Variants in DCLK1 observed in about 807,000 individuals in gnomAD.
DCLK1 encodes doublecortin like kinase 1.
In DCLK1, 16 loss-of-function variants were observed where a neutral mutation model predicts 86.2. The observed-to-expected ratio is 0.19, with a 90% CI of 0.13 to 0.28. The LOEUF (loss-of-function observed/expected upper bound fraction) is 0.28. Ranked by LOEUF, DCLK1 falls within the 10% of genes least tolerant of loss-of-function variation. DCLK1 has a pLI of 1.00. For synonymous variants in DCLK1, 369 were observed against 370.5 expected (o/e 1.00, Z 0.05); for missense variants, 590 against 940.2 (o/e 0.63, Z 4.87).
chr13:35,813,729 G>A lies in DCLK1; in HGVS notation c.1555-2761C>T, dbSNP rs531898774. 1.3e-3 allele frequency among the ~76,000 whole-genome samples: 153 copies of A among 117,602 alleles called. 1 individual carries two copies. Among genetic ancestry groups the A allele is most frequent in the Middle Eastern group, 9.8e-3 (2 of 204 alleles). The allele number at this position is 117,602 out of a possible 152,430, so 77.2% of individuals were successfully genotyped here. On this transcript the variant is annotated intron_variant, in intron 11 of 16. Transcript: ENST00000360631. ...AATCACTTGCACAGTGCCCCGCCCC[G>A]CTTTTTTTTTTTTTTTTTTTGCTTT...
chr13:35,946,403 T>C (rs1263811258), intron 4 of DCLK1, among the ~76,000 whole-genome samples: 2 of 152,238 alleles, frequency 1.3e-5, no homozygotes, highest in Admixed American at 6.5e-5. Context: ...TTAACACACA[T>C]CTGCAGTGTT....
rs2086383126 is a variant in DCLK1 at position 35,774,313 on chromosome 13, T to G, written c.*222A>C. Reference sequence around the variant, plus strand: ...AAAATTGCAAATTGGCCTTAACCCTTTGAGGACTCTATTAGCAGCAAATTA... The same window carrying G: ...AAAATTGCAAATTGGCCTTAACCCTGTGAGGACTCTATTAGCAGCAAATTA... On this transcript the variant is annotated 3_prime_UTR_variant, in exon 17 of 17. Coordinates refer to ENST00000360631, the MANE Select transcript of DCLK1 (RefSeq NM_001330071.2). 1 of 598,454 alleles carries G rather than the reference T, an allele frequency of 1.7e-6. No individual in the cohort carries two copies. The highest frequency in any genetic ancestry group is 2.8e-6 in the Non-Finnish European group (1 of 362,654). 37.1% of individuals were successfully genotyped at this position (598,454 alleles called of 1,614,324 possible).
intron 4 of DCLK1, among the ~76,000 whole-genome samples, chr13:35,916,740 A>G (rs1010914410): frequency 6.6e-6 from 1 of 152,154 alleles, no homozygotes; most frequent in Admixed American, 6.6e-5. Flanking sequence ...GTGATGGTGA[A>G]TATCTATCTA....
chr13:35,850,434 CGT>C lies in DCLK1; in HGVS notation c.1035+4063_1035+4064del. The C allele has an allele frequency of 4.6e-6, 5 of 1,084,614 alleles. No homozygotes were observed. The African/African-American group carries it at 8.2e-5, about 18-fold the overall frequency. The allele number at this position is 1,084,614 out of a possible 1,614,324, so 67.2% of individuals were successfully genotyped here. The stretch of plus-strand genomic sequence containing the variant: ...GTGTTCTTGTACTCAATATTGGGTC[CGT>C]GTATGAAATTCATCTAGAGCCAGGC... On this transcript the variant is annotated intron_variant, in intron 6 of 16. Coordinates refer to ENST00000360631, the MANE Select transcript of DCLK1 (RefSeq NM_001330071.2).
In DCLK1 at chr13:35,904,059, TTA is replaced by T. The variant is rs573845037; in HGVS notation, c.824-32721_824-32720del. Among the ~76,000 whole-genome samples, 1,236 of 152,288 alleles carry T rather than the reference TTA, an allele frequency of 8.1e-3. 18 individuals are homozygous for T. The highest frequency in any genetic ancestry group is 0.028 in the African/African-American group (1,178 of 41,564). On this transcript the variant is annotated intron_variant, in intron 4 of 16. Coordinates refer to ENST00000360631, the MANE Select transcript of DCLK1 (RefSeq NM_001330071.2). ...AAAGATTCCAATTACTTTTTTTTTT[TTA>T]AAGTTTAAAGCTGTGTGTTATGTGC...
chr13:35,851,995 A>ATATGTGTGTGTGTG (rs1555344391), intron 6 of DCLK1, among the ~76,000 whole-genome samples: 86 of 143,626 alleles, frequency 6.0e-4, no homozygotes, highest in African/African-American at 1.9e-3. Context: ...ATGTGTGTGT[A>ATATGTGTGTGTGTG]TGTGTGTGTG....
intron 3 of DCLK1, among the ~76,000 whole-genome samples, chr13:36,044,979 A>C (rs550493004): frequency 1.5e-4 from 23 of 152,038 alleles, no homozygotes; most frequent in African/African-American, 5.5e-4. Flanking sequence ...ATTATTTCTT[A>C]CTTTGCTACA....
intron 10 of DCLK1, among the ~76,000 whole-genome samples, chr13:35,825,349 C>G (rs2087494681): frequency 6.6e-6 from 1 of 152,116 alleles, no homozygotes; most frequent in Non-Finnish European, 1.5e-5. Flanking sequence ...TATGGTCTTG[C>G]AGCACAATTG....
At chr13:35,965,288 G>A (rs530631477) in intron 3 of DCLK1, among the ~76,000 whole-genome samples, 1 of 152,268 alleles carries the variant, frequency 6.6e-6, no homozygotes, top group Admixed American at 6.5e-5. Flanking sequence ...TACTCTGTTT[G>A]ATCAATGAGC....
At chr13:36,013,503 T>C (rs553076733) in intron 3 of DCLK1, among the ~76,000 whole-genome samples, 20 of 152,318 alleles carry the variant, frequency 1.3e-4, no homozygotes, top group East Asian at 9.7e-4. Flanking sequence ...GGTGTCAGTG[T>C]GCCCCTGCTG....
At chr13:35,826,640 A>G (rs966471466) in intron 10 of DCLK1, among the ~76,000 whole-genome samples, 2 of 151,964 alleles carry the variant, frequency 1.3e-5, no homozygotes, top group African/African-American at 4.8e-5. Flanking sequence ...AAAAATGCCA[A>G]TATGTCTAAG....
At chr13:36,087,644 G>A (rs1415169040) in intron 3 of DCLK1, among the ~76,000 whole-genome samples, 2 of 152,146 alleles carry the variant, frequency 1.3e-5, no homozygotes, top group Admixed American at 1.3e-4. Flanking sequence ...TGGCATGCAG[G>A]AAATGCTCTG....
intron 3 of DCLK1, among the ~76,000 whole-genome samples, chr13:36,109,979 C>T (rs1024684511): frequency 7.9e-5 from 12 of 152,062 alleles, no homozygotes; most frequent in African/African-American, 2.9e-4. Context: ...TCATTAAAGC[C>T]GATTTTTAGA....
chr13:35,950,150 C>G (rs903496109), intron 3 of DCLK1, among the ~76,000 whole-genome samples: 14 of 152,192 alleles, frequency 9.2e-5, no homozygotes, highest in African/African-American at 2.7e-4. Context: ...GTCAGTAGAT[C>G]ACATTCAACT....
intron 5 of DCLK1, among the ~76,000 whole-genome samples, chr13:35,864,023 C>T (rs1871592740): frequency 6.6e-6 from 1 of 152,186 alleles, no homozygotes; most frequent in East Asian, 1.9e-4. Flanking sequence ...GGTTTTCCTT[C>T]TTTCAAATGT....
chr13:36,045,330 G>GTATATATATATA (rs1316034070), intron 3 of DCLK1, among the ~76,000 whole-genome samples: 5 of 56,622 alleles, frequency 8.8e-5, no homozygotes, highest in East Asian at 9.0e-4. Flanking sequence ...GTGTGTGTGT[G>GTATATATATATA]TGTATATATA....
chr13:35,984,260 C>T (rs981310831), intron 3 of DCLK1, among the ~76,000 whole-genome samples: 33 of 152,182 alleles, frequency 2.2e-4, no homozygotes, highest in Non-Finnish European at 4.4e-4. Context: ...ATTAATAAAA[C>T]GGAATCCTCT....
chr13:35,887,372 C>T (rs549063794), intron 4 of DCLK1, among the ~76,000 whole-genome samples: 1 of 152,238 alleles, frequency 6.6e-6, no homozygotes, highest in Non-Finnish European at 1.5e-5. Context: ...AAGGTGGAAC[C>T]CCTTAAAGCC....
intron 15 of DCLK1, among the ~76,000 whole-genome samples, chr13:35,798,972 A>G (rs1211267021): frequency 2.0e-5 from 3 of 152,164 alleles, no homozygotes; most frequent in Non-Finnish European, 4.4e-5. Context: ...AAGAGTATGT[A>G]GGTGGGATAT....
Sources: allele counts gnomAD v4.1 joint callset (sites outside exome capture counted in the v4.1 genomes callset), GRCh38; gene constraint gnomAD v4.1.1; transcripts MANE v1.5; gene names NCBI Gene and HGNC (gene_info 2026-07-23, HGNC 2026-07-21).